The following KIF16B variants were observed in gnomAD, a reference collection of about 807,000 sequenced individuals.
KIF16B encodes the protein kinesin-like protein KIF16B.
KIF16B carries 98 observed loss-of-function variants against 156.3 expected under a neutral mutation model. The ratio of observed to expected loss-of-function variants is 0.63; its 90% CI spans 0.53 to 0.74. KIF16B has a LOEUF of 0.74. Ranked by LOEUF, KIF16B falls within the 30% of genes least tolerant of loss-of-function variation. KIF16B has a pLI of 0.00. For synonymous variants in KIF16B, 564 were observed against 583.7 expected (o/e 0.97, Z 0.49); for missense variants, 1,421 against 1,606.5 (o/e 0.88, Z 1.97).
intron 25 of KIF16B, among the ~76,000 whole-genome samples, chr20:16,297,030 T>A (rs2063397939): frequency 6.6e-6 from 1 of 152,240 alleles, no homozygotes; most frequent in Non-Finnish European, 1.5e-5. Context: ...GGACTCAAAC[T>A]GAACCATCAG....
intron 12 of KIF16B, among the ~76,000 whole-genome samples, chr20:16,489,740 C>A (rs534045077): frequency 1.4e-5 from 2 of 143,292 alleles, no homozygotes. Context: ...AAGGTACAGA[C>A]CCGTCCCCTG....
At chr20:16,314,110 C>T (rs186516850) in intron 24 of KIF16B, among the ~76,000 whole-genome samples, 115 of 152,264 alleles carry the variant, frequency 7.6e-4, no homozygotes, top group Non-Finnish European at 1.3e-3. Flanking sequence ...GTACAGTGGT[C>T]GTCCTTCTTA....
At chr20:16,565,278 G>A (rs998570150) in intron 1 of KIF16B, among the ~76,000 whole-genome samples, 8 of 152,022 alleles carry the variant, frequency 5.3e-5, no homozygotes, top group African/African-American at 1.2e-4. Flanking sequence ...TTAAAACTGT[G>A]AAAATTTTAA....
At chr20:16,478,029 T>A (rs1273096712) in intron 12 of KIF16B, among the ~76,000 whole-genome samples, 1 of 152,064 alleles carries the variant, frequency 6.6e-6, no homozygotes, top group East Asian at 1.9e-4. Context: ...AAGTGGTGAC[T>A]GTGTGAGTGA....
intron 1 of KIF16B, among the ~76,000 whole-genome samples, chr20:16,568,420 G>A (rs922312694): frequency 6.6e-6 from 1 of 152,164 alleles, no homozygotes; most frequent in Admixed American, 6.5e-5. Context: ...TAATAGTAAT[G>A]ACAACAAGCA....
Position 16,531,327 on chromosome 20 carries a change from C to T in KIF16B, c.48-2887G>A, listed in dbSNP as rs559449174. Among the ~76,000 whole-genome samples, 4 of 152,302 alleles carry T rather than the reference C, an allele frequency of 2.6e-5. No individual in the cohort carries two copies. The South Asian group carries it at 8.3e-4, about 32-fold the overall frequency. ...CCAAAACTATCTATACTTCAAGTAA[C>T]CAAACAACTGTGAAAGAAAGTTTCT... On this transcript the variant is annotated intron_variant, in intron 1 of 25. Coordinates refer to ENST00000354981, the MANE Select transcript of KIF16B (RefSeq NM_024704.5).
intron 1 of KIF16B, among the ~76,000 whole-genome samples, chr20:16,538,445 C>T (rs1555797247): frequency 6.6e-6 from 1 of 152,084 alleles, no homozygotes; most frequent in Non-Finnish European, 1.5e-5. Context: ...TCTCCCTGGC[C>T]ACTTTGGTGA....
chr20:16,528,505 A>T, intron 1 of KIF16B, 65 bp from the exon 2 acceptor site: 3 of 1,186,222 alleles, frequency 2.5e-6, no homozygotes, highest in Non-Finnish European at 3.8e-6. Context: ...AACAAAACTA[A>T]ACCCATTTGT....
chr20:16,308,948 G>A (rs1162022100), intron 25 of KIF16B, among the ~76,000 whole-genome samples: 1 of 152,228 alleles, frequency 6.6e-6, no homozygotes, highest in Non-Finnish European at 1.5e-5. Flanking sequence ...CAGGGCTACC[G>A]GAAGGAATGT....
chr20:16,368,380 T>C (rs2064730944), intron 22 of KIF16B: 11 of 982,318 alleles, frequency 1.1e-5, no homozygotes, highest in Non-Finnish European at 1.3e-5. Flanking sequence ...TTCCGGAGAA[T>C]GAGATTCTGT....
At chr20:16,444,032 TG>T (rs2066869314) in intron 12 of KIF16B, among the ~76,000 whole-genome samples, 1 of 152,234 alleles carries the variant, frequency 6.6e-6, no homozygotes, top group South Asian at 2.1e-4. Flanking sequence ...ATATGTGCAG[TG>T]CAAGCCAGCT....
At chr20:16,534,787 T>C (rs1234397957) in intron 1 of KIF16B, among the ~76,000 whole-genome samples, 1 of 152,196 alleles carries the variant, frequency 6.6e-6, no homozygotes, top group African/African-American at 2.4e-5. Context: ...CTTGGTGGCT[T>C]TGTCAAAGAT....
chr20:16,559,099 C>G (rs2070963563), intron 1 of KIF16B, among the ~76,000 whole-genome samples: 1 of 151,822 alleles, frequency 6.6e-6, no homozygotes, highest in Non-Finnish European at 1.5e-5. Flanking sequence ...GTTTGCAACC[C>G]TTGTACTATA....
intron 17 of KIF16B, among the ~76,000 whole-genome samples, chr20:16,397,261 T>C (rs911545957): frequency 1.1e-4 from 17 of 152,212 alleles, no homozygotes; most frequent in African/African-American, 4.1e-4. Flanking sequence ...ACCTCTCCAA[T>C]GTGGAACTAA....
chr20:16,404,989 C>A, intron 16 of KIF16B, 88 bp from the exon 17 acceptor site: 2 of 856,326 alleles, frequency 2.3e-6, no homozygotes, highest in Admixed American at 2.0e-5. Flanking sequence ...ATGTGAGAGA[C>A]AATGAGGTGC....
rs150295296 is a variant in KIF16B at position 16,321,948 on chromosome 20, T to C, written c.3712-9530A>G. Reference sequence around the variant, plus strand: ...GATGACTGAGGTCAAATAAATTGGATATTTGTGACAGATATGATAGGCCTA... The same window carrying C: ...GATGACTGAGGTCAAATAAATTGGACATTTGTGACAGATATGATAGGCCTA... On this transcript the variant is annotated intron_variant, in intron 24 of 25. Transcript: ENST00000354981. Among the ~76,000 whole-genome samples, 8 of 152,098 alleles carry C rather than the reference T, an allele frequency of 5.3e-5. No homozygotes were observed. The East Asian group carries it at 1.5e-3, about 29-fold the overall frequency.
At chr20:16,540,038 G>A (rs1390614364) in intron 1 of KIF16B, among the ~76,000 whole-genome samples, 1 of 152,144 alleles carries the variant, frequency 6.6e-6, no homozygotes, top group Non-Finnish European at 1.5e-5. Context: ...CAAGACACTT[G>A]ATAGCAAAAA....
At chr20:16,507,721 G>A (rs184618591) in intron 7 of KIF16B, among the ~76,000 whole-genome samples, 3 of 152,190 alleles carry the variant, frequency 2.0e-5, no homozygotes, top group Non-Finnish European at 1.5e-5. Flanking sequence ...AGAACAGGGT[G>A]GAAGCCTTCT....
chr20:16,292,164 G>C (rs1013138294), intron 25 of KIF16B, among the ~76,000 whole-genome samples: 1 of 152,094 alleles, frequency 6.6e-6, no homozygotes. Flanking sequence ...GTTTTTGGTT[G>C]CCTGGAATGA....
Sources: gnomAD v4.1 joint callset for allele counts (sites outside exome capture counted in the v4.1 genomes callset) on GRCh38, gnomAD v4.1.1 for gene constraint, MANE v1.5 for transcripts, NCBI Gene and HGNC (gene_info 2026-07-23, HGNC 2026-07-21) for gene names.